The following NRG1 variants were observed in gnomAD, a reference collection of about 807,000 sequenced individuals.
NRG1 encodes neuregulin 1, also known as pro-neuregulin-1, membrane-bound isoform.
In NRG1, 18 loss-of-function variants were observed where a neutral mutation model predicts 63.8. The ratio of observed to expected loss-of-function variants is 0.28; its 90% CI spans 0.19 to 0.42. The LOEUF (loss-of-function observed/expected upper bound fraction) is 0.42. Among genes scored for constraint, NRG1 ranks in the 10% least tolerant of loss-of-function variants. The pLI is 1.00. For synonymous variants in NRG1, 302 were observed against 301.3 expected, an observed-to-expected ratio of 1.00 and a Z score of -0.02; for missense variants, 762 against 814.7, an observed-to-expected ratio of 0.94 and a Z score of 0.79.
chr8:32,218,549 A>C (rs561758138), intron 1 of NRG1, among the ~76,000 whole-genome samples: 1 of 152,288 alleles, frequency 6.6e-6, no homozygotes, highest in African/African-American at 2.4e-5. Context: ...AGTCTGGAGA[A>C]GCTACTCTTG....
At chr8:31,827,527 A>G (rs1404200886) in intron 1 of NRG1, among the ~76,000 whole-genome samples, 1 of 152,212 alleles carries the variant, frequency 6.6e-6, no homozygotes, top group Non-Finnish European at 1.5e-5. Context: ...ACACAACAGC[A>G]TGGTTAAAAT....
intron 1 of NRG1, among the ~76,000 whole-genome samples, chr8:31,999,284 T>C (rs1157727720): frequency 3.3e-5 from 5 of 152,024 alleles, no homozygotes; most frequent in African/African-American, 7.2e-5. Context: ...TGATTAAGAA[T>C]TTAATGATTT....
chr8:32,275,762 G>A (rs1852032393), intron 1 of NRG1, among the ~76,000 whole-genome samples: 1 of 151,988 alleles, frequency 6.6e-6, no homozygotes, highest in African/African-American at 2.4e-5. Context: ...TGATTTAGAA[G>A]ATCTGCGGCA....
chr8:32,467,483 T>G (rs1228710236), intron 1 of NRG1, among the ~76,000 whole-genome samples: 1 of 152,190 alleles, frequency 6.6e-6, no homozygotes, highest in Non-Finnish European at 1.5e-5. Context: ...CAGTATATAC[T>G]CAGTCTAACA....
chr8:31,962,709 T>C (rs1318892074), intron 1 of NRG1, among the ~76,000 whole-genome samples: 1 of 152,184 alleles, frequency 6.6e-6, no homozygotes, highest in Non-Finnish European at 1.5e-5. Flanking sequence ...ATCTAATTCA[T>C]TTAAGTCCTG....
At chr8:32,019,684 A>G (rs920336724) in intron 1 of NRG1, among the ~76,000 whole-genome samples, 2 of 152,146 alleles carry the variant, frequency 1.3e-5, no homozygotes, top group Non-Finnish European at 2.9e-5. Context: ...ATCTGTATCC[A>G]CCTGGTATTT....
At chr8:32,460,531 A>T (rs980053303) in intron 1 of NRG1, among the ~76,000 whole-genome samples, 1 of 152,100 alleles carries the variant, frequency 6.6e-6, no homozygotes, top group African/African-American at 2.4e-5. Context: ...CTCTATTTAA[A>T]TTTTTGCTAG....
intron 1 of NRG1, among the ~76,000 whole-genome samples, chr8:32,309,305 G>C (rs1856559494): frequency 6.6e-6 from 1 of 151,966 alleles, no homozygotes; most frequent in African/African-American, 2.4e-5. Context: ...ATGTGCCTGT[G>C]GTTTTACACC....
intron 1 of NRG1, among the ~76,000 whole-genome samples, chr8:31,885,682 A>G (rs1830664229): frequency 6.6e-6 from 1 of 152,156 alleles, no homozygotes; most frequent in South Asian, 2.1e-4. Context: ...TTCAGCAGAT[A>G]AGCCTAGTAC....
chr8:32,357,603 T>C (rs1242772829), intron 1 of NRG1, among the ~76,000 whole-genome samples: 1 of 152,202 alleles, frequency 6.6e-6, no homozygotes. Flanking sequence ...GTGTGGCCAT[T>C]TGTGCCCTTC....
intron 1 of NRG1, among the ~76,000 whole-genome samples, chr8:32,352,061 T>C (rs1805674723): frequency 6.6e-6 from 1 of 151,934 alleles, no homozygotes; most frequent in East Asian, 1.9e-4. Flanking sequence ...TCAATCTCTA[T>C]AATTGTATAA....
chr8:32,127,304 A>C (rs1475884030), intron 1 of NRG1, among the ~76,000 whole-genome samples: 1 of 151,860 alleles, frequency 6.6e-6, no homozygotes, highest in Non-Finnish European at 1.5e-5. Context: ...TGTTAGCCTA[A>C]TCTGAGCCCT....
At chr8:31,708,547 G>A (rs1330348792) in intron 1 of NRG1, among the ~76,000 whole-genome samples, 1 of 147,640 alleles carries the variant, frequency 6.8e-6, no homozygotes, top group African/African-American at 2.5e-5. Flanking sequence ...CCGGGTTCAC[G>A]CCATTCTCCT....
chr8:31,787,234 G>A (rs1246032528), intron 1 of NRG1, among the ~76,000 whole-genome samples: 6 of 152,174 alleles, frequency 3.9e-5, no homozygotes, highest in African/African-American at 1.4e-4. Context: ...AGTTGCATTT[G>A]CATCTTTAAA....
At chr8:32,118,255 T>A (rs1296393706) in intron 1 of NRG1, among the ~76,000 whole-genome samples, 3 of 151,958 alleles carry the variant, frequency 2.0e-5, no homozygotes, top group Admixed American at 2.0e-4. Flanking sequence ...CTCCCTGGGG[T>A]GGGTAGGAAC....
At chr8:32,584,685 A>C (rs1278083771) in intron 1 of NRG1, among the ~76,000 whole-genome samples, 2 of 152,236 alleles carry the variant, frequency 1.3e-5, no homozygotes, top group African/African-American at 4.8e-5. Context: ...AGAAGTCCTG[A>C]AAGGACACAT....
chr8:31,948,905 G>C (rs1376072170), intron 1 of NRG1, among the ~76,000 whole-genome samples: 1 of 152,152 alleles, frequency 6.6e-6, no homozygotes, highest in Non-Finnish European at 1.5e-5. Flanking sequence ...GGTTAATTCA[G>C]AGGACTCTTC....
At chr8:31,975,952 C>T (rs528240910) in intron 1 of NRG1, among the ~76,000 whole-genome samples, 1 of 152,060 alleles carries the variant, frequency 6.6e-6, no homozygotes, top group East Asian at 1.9e-4. Flanking sequence ...GCAATTGATT[C>T]CTGGGTGATG....
chr8:32,456,189 C>T (rs1017894040), intron 1 of NRG1, among the ~76,000 whole-genome samples: 1 of 152,108 alleles, frequency 6.6e-6, no homozygotes, highest in Non-Finnish European at 1.5e-5. Context: ...TATGCACAAC[C>T]GAATTTTCAT....
Sources: allele counts gnomAD v4.1 joint callset (sites outside exome capture counted in the v4.1 genomes callset), GRCh38; gene constraint gnomAD v4.1.1; transcripts MANE v1.5; gene names NCBI Gene and HGNC (gene_info 2026-07-23, HGNC 2026-07-21).